The following POLA1 variants were observed in gnomAD, a reference collection of about 807,000 sequenced individuals.
POLA1 encodes the protein DNA polymerase alpha catalytic subunit.
In POLA1, 15 loss-of-function variants were observed where a neutral mutation model predicts 124.0. That is an observed-to-expected ratio of 0.12 (90% CI 0.08 to 0.19). POLA1 has a LOEUF of 0.19. Among genes scored for constraint, POLA1 ranks in the 10% least tolerant of loss-of-function variants. POLA1 has a pLI of 1.00. For synonymous variants in POLA1, 408 were observed against 389.4 expected, an observed-to-expected ratio of 1.05 and a Z score of -0.56; for missense variants, 886 against 1,103.4, an observed-to-expected ratio of 0.80 and a Z score of 2.79.
At chrX:24,698,815 G>T (rs1928208902) in intron 1 of POLA1, among the ~76,000 whole-genome samples, 1 of 110,218 alleles carries the variant, frequency 9.1e-6, no homozygotes, top group South Asian at 3.9e-4. Context: ...CATCATGCCT[G>T]GCTAATTTTG....
chrX:24,907,247 G>A (rs1003812946), intron 35 of POLA1, among the ~76,000 whole-genome samples: 1 of 110,736 alleles, frequency 9.0e-6, no homozygotes, highest in African/African-American at 3.3e-5. Context: ...CTGGGAGGGG[G>A]AAAAAGGAGC....
intron 30 of POLA1, 40 bp downstream of exon 30, chrX:24,815,151 G>A (rs1402131918): frequency 8.7e-7 from 1 of 1,149,977 alleles, no homozygotes. Flanking sequence ...CTGCTGTCAT[G>A]TGTTTTTCAC....
Position 24,742,072 on chromosome X carries a change from A to G in POLA1, c.2417A>G (p.Asn806Ser). 3 of 1,206,231 alleles carry G rather than the reference A, an allele frequency of 2.5e-6. No individual in the cohort carries two copies. The highest frequency in any genetic ancestry group is 3.4e-6 in the Non-Finnish European group (3 of 891,577). ...FLLLHAFYEN[N>S]YIVPDKQIFR... ...TTGCTTCATGCATTTTACGAAAACA[A>G]CTATATTGTGCCTGACAAGCAGATT... Residue 806 changes from asparagine to serine, a missense_variant, in exon 22 of 37, where the codon AAC (asparagine) becomes AGC (serine). Physicochemically the swap from Asn to Ser is conservative, Grantham distance 46 (BLOSUM62 1). This residue lies in a region of POLA1 where 182 missense variants were observed against 252.8 expected (regional missense o/e 0.72). Coordinates refer to ENST00000379068, the MANE Select transcript of POLA1 (RefSeq NM_001330360.2).
rs906918642 is a variant in POLA1 at position 24,990,013 on chromosome X, G to A, written c.4262-5792G>A. The stretch of plus-strand genomic sequence containing the variant: ...TACTCTTGTATACCTCAATGATGGC[G>A]CTTTTTAAACATTAGGGTAGTTTTA... On this transcript the variant is annotated intron_variant, in intron 36 of 36. Transcript: ENST00000379068. Among the ~76,000 whole-genome samples the A allele has an allele frequency of 3.6e-5, 4 of 111,659 alleles. No homozygotes were observed. The South Asian group carries it at 1.1e-3, about 32-fold the overall frequency.
chrX:24,855,383 C>G (rs903667225), intron 34 of POLA1, among the ~76,000 whole-genome samples: 3 of 111,672 alleles, frequency 2.7e-5, no homozygotes, highest in Non-Finnish European at 3.8e-5. Context: ...AGTCAAGATA[C>G]AGAACAGGGT....
At position 24,784,167 on chromosome X, in the gene POLA1, C is replaced by T. The variant is rs180675555; in HGVS notation, c.2965-25731C>T. ...TCCAGGGTTCAAGTGATTCTCCTGC[C>T]TCAGCTTCCTGAGTAGCTGGGATTA... On this transcript the variant is annotated intron_variant, in intron 26 of 36. Coordinates refer to ENST00000379068, the MANE Select transcript of POLA1 (RefSeq NM_001330360.2). Among the ~76,000 whole-genome samples the T allele has an allele frequency of 1.8e-4, 19 of 104,199 alleles. 1 individual carries two copies. Among genetic ancestry groups the T allele is most frequent in the African/African-American group, 6.7e-4 (19 of 28,314 alleles). The allele number at this position is 104,199 out of a possible 115,157, so 90.5% of individuals were successfully genotyped here.
intron 35 of POLA1, among the ~76,000 whole-genome samples, chrX:24,918,984 C>A (rs2080319784): frequency 8.9e-6 from 1 of 111,797 alleles, no homozygotes; most frequent in Non-Finnish European, 1.9e-5. Context: ...CCCATTAGGT[C>A]CTTCCTCCAA....
intron 34 of POLA1, among the ~76,000 whole-genome samples, chrX:24,859,581 G>A (rs2046690541): frequency 8.9e-6 from 1 of 112,365 alleles, no homozygotes; most frequent in Non-Finnish European, 1.9e-5. Context: ...ATAACCTTTT[G>A]TACACACCTC....
intron 26 of POLA1, among the ~76,000 whole-genome samples, chrX:24,760,222 A>T (rs997061401): frequency 1.8e-5 from 2 of 111,014 alleles, no homozygotes; most frequent in African/African-American, 6.6e-5. Flanking sequence ...CTCCCATATA[A>T]TTTTTTTTTC....
At chrX:24,947,473 G>A (rs982773308) in intron 36 of POLA1, among the ~76,000 whole-genome samples, 6 of 107,949 alleles carry the variant, frequency 5.6e-5, no homozygotes, top group African/African-American at 2.0e-4. Flanking sequence ...GTTTTGCCAT[G>A]TTGCTCAAGT....
At chrX:24,987,766 C>A (rs1158110200) in intron 36 of POLA1, among the ~76,000 whole-genome samples, 6 of 111,383 alleles carry the variant, frequency 5.4e-5, no homozygotes, top group African/African-American at 2.0e-4. Flanking sequence ...CTTTATCCTT[C>A]CCCAGTGTGC....
intron 35 of POLA1, among the ~76,000 whole-genome samples, chrX:24,901,921 T>C (rs1194296483): frequency 2.7e-5 from 3 of 111,244 alleles, no homozygotes; most frequent in Non-Finnish European, 5.7e-5. Context: ...AAAAAATGAG[T>C]TGTGTTTGAC....
intron 34 of POLA1, among the ~76,000 whole-genome samples, chrX:24,849,873 G>A (rs1237785134): frequency 1.4e-4 from 16 of 110,747 alleles, no homozygotes; most frequent in East Asian, 2.8e-4. Flanking sequence ...CTCGTGATTC[G>A]CCTGCCTCGG....
intron 35 of POLA1, among the ~76,000 whole-genome samples, chrX:24,910,414 C>G (rs965300292): frequency 9.1e-6 from 1 of 110,466 alleles, no homozygotes; most frequent in Non-Finnish European, 1.9e-5. Flanking sequence ...AGATATGTCC[C>G]ATCAATACCT....
At chrX:24,760,866 T>G (rs1183091160) in intron 26 of POLA1, among the ~76,000 whole-genome samples, 1 of 111,665 alleles carries the variant, frequency 9.0e-6, no homozygotes, top group Non-Finnish European at 1.9e-5. Context: ...GGTCATGGTT[T>G]TAGAGATCTT....
At chrX:24,721,295 G>T (rs902240322) in intron 10 of POLA1, among the ~76,000 whole-genome samples, 5 of 112,192 alleles carry the variant, frequency 4.5e-5, no homozygotes, top group African/African-American at 1.6e-4. Context: ...GCTCTTTAGT[G>T]GTAGAAGCTT....
chrX:24,820,972 T>C (rs765433717), intron 30 of POLA1, among the ~76,000 whole-genome samples: 22 of 112,021 alleles, frequency 2.0e-4, no homozygotes, highest in African/African-American at 4.9e-4. Context: ...TGTTACAAAT[T>C]CATTCTACCT....
intron 36 of POLA1, among the ~76,000 whole-genome samples, chrX:24,991,885 G>A (rs1191923302): frequency 8.9e-6 from 1 of 112,454 alleles, no homozygotes; most frequent in Non-Finnish European, 1.9e-5. Flanking sequence ...TGATTTAATG[G>A]GTGAGAATGG....
Position 24,814,319 on chromosome X carries a change from C to T in POLA1, c.3297-660C>T, listed in dbSNP as rs1008938528. On this transcript the variant is annotated intron_variant, in intron 29 of 36. Transcript: ENST00000379068. ...ATAATGCAGCTGTCAAACTCTCGCT[C>T]TGCATTTTCTCAGAAATGGATAAAA... Among the ~76,000 whole-genome samples, 3 of 112,412 alleles carry T rather than the reference C, an allele frequency of 2.7e-5. 1 individual carries two copies. The Admixed American group carries it at 2.8e-4, about 11-fold the overall frequency.
Sources: gnomAD v4.1 joint callset for allele counts (sites outside exome capture counted in the v4.1 genomes callset) on GRCh38, gnomAD v4.1.1 for gene constraint, gnomAD v4.1.1 regional missense constraint, MANE v1.5 for transcripts, NCBI Gene and HGNC (gene_info 2026-07-23, HGNC 2026-07-21) for gene names.